The following DLGAP2 variants were observed in gnomAD, a reference collection of about 807,000 sequenced individuals.
DLGAP2 encodes the protein disks large-associated protein 2.
DLGAP2 carries 26 observed loss-of-function variants against 100.3 expected under a neutral mutation model. The ratio of observed to expected loss-of-function variants is 0.26; its 90% CI spans 0.19 to 0.36. The LOEUF (loss-of-function observed/expected upper bound fraction) is 0.36, where lower values mean the gene tolerates loss of function less well. DLGAP2 is among the 10% of genes least tolerant of loss of function. DLGAP2 has a pLI of 1.00. For missense variants in DLGAP2, 1,858 were observed against 1,453.2 expected, an observed-to-expected ratio of 1.28 and a Z score of -4.53; for synonymous variants, 886 against 630.1, an observed-to-expected ratio of 1.41 and a Z score of -6.08.
intron 3 of DLGAP2, among the ~76,000 whole-genome samples, chr8:1,274,895 A>T (rs932841417): frequency 6.6e-6 from 1 of 152,014 alleles, no homozygotes; most frequent in Non-Finnish European, 1.5e-5. Context: ...TTACTTTATG[A>T]ATATTCCTTG....
chr8:1,267,686 G>A (rs1016803807), intron 3 of DLGAP2, among the ~76,000 whole-genome samples: 10 of 151,958 alleles, frequency 6.6e-5, no homozygotes, highest in Non-Finnish European at 1.2e-4. Flanking sequence ...TCCGTGATGA[G>A]ACGCCCACGT....
chr8:1,215,077 C>T (rs1231262293), intron 2 of DLGAP2, among the ~76,000 whole-genome samples: 5 of 152,240 alleles, frequency 3.3e-5, no homozygotes, highest in African/African-American at 7.2e-5. Flanking sequence ...GTCATCCATG[C>T]AGGAAACAGT....
At chr8:1,353,836 C>T (rs760867698) in intron 3 of DLGAP2, among the ~76,000 whole-genome samples, 18 of 151,858 alleles carry the variant, frequency 1.2e-4, no homozygotes, top group Admixed American at 2.0e-4. Context: ...ATTTTTAATA[C>T]GGGAAAAATA....
At position 1,160,596 on chromosome 8, in the gene DLGAP2, G is replaced by C. The variant is rs573748294; in HGVS notation, c.74-98255G>C. 1.1e-4 allele frequency among the ~76,000 whole-genome samples: 17 copies of C among 152,310 alleles called. No homozygotes were observed. In the South Asian group the frequency reaches 1.9e-3, roughly 17 times the overall value. ...TGCCAGTTTGGGGAGTAGCAACTTA[G>C]TTCTATGTACAGGCCTTGGAGGAGA... On this transcript the variant is annotated intron_variant, in intron 2 of 14. Transcript: ENST00000637795.
intron 1 of DLGAP2, among the ~76,000 whole-genome samples, chr8:831,539 G>A (rs1055893612): frequency 2.6e-5 from 4 of 152,116 alleles, no homozygotes; most frequent in South Asian, 2.1e-4. Flanking sequence ...TGCAAAGGAC[G>A]TGAACTCATC....
chr8:771,017 G>C (rs1821342322), intron 1 of DLGAP2, among the ~76,000 whole-genome samples: 1 of 152,100 alleles, frequency 6.6e-6, no homozygotes, highest in Non-Finnish European at 1.5e-5. Context: ...TTTTGGAAGT[G>C]TGAGTGTCCT....
rs1335287032 is a variant in DLGAP2 at position 1,706,292 on chromosome 8, G to T, written c.*4886G>T. 1 of 152,208 alleles carries T rather than the reference G, an allele frequency of 6.6e-6. No individual in the cohort carries two copies. Among genetic ancestry groups the T allele is most frequent in the African/African-American group, 2.4e-5 (1 of 41,456 alleles). 9.4% of individuals were successfully genotyped at this position (152,208 alleles called of 1,614,324 possible). ...TTTTTCCTCTAGAAAGGGGATTACA[G>T]TTCCTGTCCCTGTCTTCCTCCAGGA... On this transcript the variant is annotated 3_prime_UTR_variant, in exon 15 of 15. Transcript: ENST00000637795.
At chr8:1,685,865 C>G (rs1324390747) in intron 12 of DLGAP2, among the ~76,000 whole-genome samples, 2 of 152,104 alleles carry the variant, frequency 1.3e-5, no homozygotes, top group African/African-American at 4.8e-5. Flanking sequence ...CAAATCAAAA[C>G]CACGATGAGA....
chr8:1,308,949 G>C (rs1481676217), intron 3 of DLGAP2, among the ~76,000 whole-genome samples: 1 of 152,042 alleles, frequency 6.6e-6, no homozygotes, highest in Non-Finnish European at 1.5e-5. Flanking sequence ...CAGACATTCT[G>C]GAGAAAAATA....
intron 2 of DLGAP2, among the ~76,000 whole-genome samples, chr8:989,315 T>C (rs1327075708): frequency 6.6e-6 from 1 of 152,144 alleles, no homozygotes; most frequent in Admixed American, 6.5e-5. Flanking sequence ...AGTGGACGGC[T>C]GCTCTCCCAG....
intron 3 of DLGAP2, among the ~76,000 whole-genome samples, chr8:1,383,445 T>C (rs1385459567): frequency 6.6e-6 from 1 of 152,240 alleles, no homozygotes; most frequent in Non-Finnish European, 1.5e-5. Flanking sequence ...ACGGTATGTG[T>C]TAGCCCTGCC....
chr8:1,023,451 C>T (rs1318503852), intron 2 of DLGAP2, among the ~76,000 whole-genome samples: 1 of 152,146 alleles, frequency 6.6e-6, no homozygotes, highest in African/African-American at 2.4e-5. Flanking sequence ...TGACCTGAGC[C>T]TCCCCTGTAG....
chr8:1,172,907 T>A (rs1797160662), intron 2 of DLGAP2, among the ~76,000 whole-genome samples: 1 of 152,378 alleles, frequency 6.6e-6, no homozygotes, highest in Admixed American at 6.5e-5. Context: ...CGTCCAGCTT[T>A]GTTCGATTGC....
intron 3 of DLGAP2, among the ~76,000 whole-genome samples, chr8:1,437,854 C>G (rs1003603986): frequency 6.8e-6 from 1 of 146,916 alleles, no homozygotes; most frequent in Admixed American, 6.9e-5. Flanking sequence ...GGCGTGATGT[C>G]ATGTGCCTGT....
At chr8:1,500,439 C>T (rs2130318674) in intron 3 of DLGAP2, among the ~76,000 whole-genome samples, 1 of 152,350 alleles carries the variant, frequency 6.6e-6, no homozygotes, top group Non-Finnish European at 1.5e-5. Context: ...CCAAGGCAGC[C>T]TGGAGAGTCG....
At chr8:1,054,001 C>T (rs944256039) in intron 2 of DLGAP2, among the ~76,000 whole-genome samples, 1 of 152,120 alleles carries the variant, frequency 6.6e-6, no homozygotes, top group African/African-American at 2.4e-5. Context: ...AGCAGTACAA[C>T]AAATGTGTTA....
chr8:1,469,687 G>A (rs78958147), intron 3 of DLGAP2, among the ~76,000 whole-genome samples: 4,013 of 152,256 alleles, frequency 0.026, 166 homozygotes, highest in African/African-American at 0.092. Flanking sequence ...TGCTCTGCAC[G>A]TGCCTGAGAA....
At chr8:1,287,702 T>TCG (rs1799971521) in intron 3 of DLGAP2, among the ~76,000 whole-genome samples, 12 of 35,692 alleles carry the variant, frequency 3.4e-4, no homozygotes, top group African/African-American at 1.0e-3. Flanking sequence ...TCAGTGTGTG[T>TCG]GTGTGTGTGT....
At chr8:1,007,051 T>G (rs1201730451) in intron 2 of DLGAP2, among the ~76,000 whole-genome samples, 2 of 146,428 alleles carry the variant, frequency 1.4e-5, no homozygotes. Context: ...TTTATCACGT[T>G]GGGGACACCT....
Sources: gnomAD v4.1 joint callset for allele counts (sites outside exome capture counted in the v4.1 genomes callset) on GRCh38, gnomAD v4.1.1 for gene constraint, MANE v1.5 for transcripts, NCBI Gene and HGNC (gene_info 2026-07-23, HGNC 2026-07-21) for gene names.